The following CNKSR3 variants were observed in gnomAD, a reference collection of about 807,000 sequenced individuals.
CNKSR3 encodes the protein connector enhancer of kinase suppressor of ras 3.
CNKSR3 carries 36 observed loss-of-function variants against 67.7 expected under a neutral mutation model. The observed-to-expected ratio is 0.53, with a 90% CI of 0.41 to 0.70. The LOEUF (loss-of-function observed/expected upper bound fraction) is 0.70. CNKSR3 is among the 30% of genes least tolerant of loss of function. CNKSR3 has a pLI of 0.00. For synonymous variants in CNKSR3, 281 were observed against 271.4 expected (o/e 1.04, Z -0.35); for missense variants, 630 against 695.2 (o/e 0.91, Z 1.05).
intron 1 of CNKSR3, among the ~76,000 whole-genome samples, chr6:154,457,361 G>A (rs1785980899): frequency 1.3e-5 from 2 of 152,064 alleles, no homozygotes; most frequent in African/African-American, 4.8e-5. Flanking sequence ...TAATTTTCAG[G>A]ACTAGTTGAT....
chr6:154,482,685 C>G (rs1427514458), intron 1 of CNKSR3, among the ~76,000 whole-genome samples: 2 of 152,074 alleles, frequency 1.3e-5, no homozygotes, highest in African/African-American at 4.8e-5. Flanking sequence ...AGGTGCTGAC[C>G]CCCAACTCTG....
Position 154,401,256 on chromosome 6 carries a change from T to C in CNKSR3, c.*5098A>G, listed in dbSNP as rs1784715029. On this transcript the variant is annotated 3_prime_UTR_variant, in exon 13 of 13. Coordinates refer to ENST00000607772, the MANE Select transcript of CNKSR3 (RefSeq NM_173515.4). ...GTATTAGGAGGCGGAGCTAATACCA[T>C]AAGTGGGCCTTTGGGAAGTGAGTAG... 6.6e-6 allele frequency: 1 copy of C among 152,204 alleles called. No individual in the cohort carries two copies. The highest frequency in any genetic ancestry group is 1.5e-5 in the Non-Finnish European group (1 of 68,042). The allele number at this position is 152,204 out of a possible 1,614,324, so 9.4% of individuals were successfully genotyped here. A position where few individuals can be genotyped will look rare whatever the true frequency, so the allele number is the denominator to read the frequency against.
intron 4 of CNKSR3, among the ~76,000 whole-genome samples, chr6:154,438,693 G>A (rs1275713893): frequency 6.6e-6 from 1 of 152,106 alleles, no homozygotes; most frequent in Non-Finnish European, 1.5e-5. Flanking sequence ...GAGCACCACA[G>A]GAAAAAGAGA....
intron 1 of CNKSR3, among the ~76,000 whole-genome samples, chr6:154,452,314 T>C (rs1227758834): frequency 2.6e-5 from 4 of 152,228 alleles, no homozygotes; most frequent in Admixed American, 2.0e-4. Flanking sequence ...TTATAAAAAT[T>C]CTTCTCCAAC....
chr6:154,392,696 G>A lies in CNKSR3; in HGVS notation c.*13658C>T, dbSNP rs1784621416. 6.6e-6 allele frequency: 1 copy of A among 152,258 alleles called. No homozygotes were observed. The highest frequency in any genetic ancestry group is 1.5e-5 in the Non-Finnish European group (1 of 68,062). 9.4% of individuals were successfully genotyped at this position (152,258 alleles called of 1,614,324 possible). ...ACTAGCAGCAGGATTTGCTTCATTA[G>A]CATCGATGTTTGGGGAACAAGGAGC... On this transcript the variant is annotated 3_prime_UTR_variant, in exon 13 of 13. Transcript: ENST00000607772.
At chr6:154,509,481 T>A (rs1320105978) in intron 1 of CNKSR3, among the ~76,000 whole-genome samples, 1 of 151,204 alleles carries the variant, frequency 6.6e-6, no homozygotes, top group Non-Finnish European at 1.5e-5. Context: ...TCCCGGGGAG[T>A]CCTGGCTCGA....
intron 1 of CNKSR3, among the ~76,000 whole-genome samples, chr6:154,454,832 A>T (rs7744019): frequency 0.72 from 109,786 of 151,532 alleles, 40,318 homozygotes; most frequent in East Asian, 0.87. Flanking sequence ...GAAAAAAAAA[A>T]AATAATAATA....
chr6:154,454,097 A>ACG, intron 1 of CNKSR3, among the ~76,000 whole-genome samples: 1 of 93,148 alleles, frequency 1.1e-5, no homozygotes, highest in African/African-American at 4.1e-5. Context: ...ACACACACAC[A>ACG]CACACACAGA....
rs979458063 is a variant in CNKSR3, at chr6:154,417,278, G to A, written c.946-2855C>T. Among the ~76,000 whole-genome samples, 17 of 152,288 alleles carry A rather than the reference G, an allele frequency of 1.1e-4. 3 individuals carry two copies. The highest frequency in any genetic ancestry group is 2.6e-4 in the Admixed American group (4 of 15,298). ...ACTATTAAAGAGAAGAGCATGGCTT[G>A]GAAAGATTACATACCTTGACTAAGG... On this transcript the variant is annotated intron_variant, in intron 9 of 12. Coordinates refer to ENST00000607772, the MANE Select transcript of CNKSR3 (RefSeq NM_173515.4).
At chr6:154,438,170 T>C in intron 4 of CNKSR3, among the ~76,000 whole-genome samples, 2 of 152,224 alleles carry the variant, frequency 1.3e-5, no homozygotes, top group East Asian at 3.8e-4. Flanking sequence ...TTTATATTAT[T>C]TATCTGTATC....
At chr6:154,422,793 G>C (rs1170621870) in intron 8 of CNKSR3, 122 bp downstream of exon 8, 1 of 1,155,440 alleles carries the variant, frequency 8.7e-7, no homozygotes, top group Non-Finnish European at 1.3e-6. Context: ...GCTCATGTTA[G>C]CACAACCTAA....
chr6:154,428,465 G>A (rs1026075443), intron 6 of CNKSR3, among the ~76,000 whole-genome samples: 4 of 152,188 alleles, frequency 2.6e-5, no homozygotes, highest in African/African-American at 9.6e-5. Flanking sequence ...ATGTGGGAGT[G>A]TTCTTAGACC....
At chr6:154,499,206 C>T (rs1786934738) in intron 1 of CNKSR3, among the ~76,000 whole-genome samples, 1 of 152,212 alleles carries the variant, frequency 6.6e-6, no homozygotes, top group South Asian at 2.1e-4. Context: ...TTAAATATGT[C>T]ACCACTGTCC....
Position 154,406,247 on chromosome 6 carries a change from C to T in CNKSR3, c.*107G>A. 2 of 1,034,176 alleles carry T rather than the reference C, an allele frequency of 1.9e-6. No homozygotes were observed. Among genetic ancestry groups the T allele is most frequent in the East Asian group, 2.6e-5 (1 of 38,210 alleles). The allele number at this position is 1,034,176 out of a possible 1,614,324, so 64.1% of individuals were successfully genotyped here. Reference sequence around the variant, plus strand: ...AACTTTTCAAAAGAAAAAGAAATTGCATAAGGTCCCTACATAATACTGAGG... The same window carrying T: ...AACTTTTCAAAAGAAAAAGAAATTGTATAAGGTCCCTACATAATACTGAGG... On this transcript the variant is annotated 3_prime_UTR_variant, in exon 13 of 13. Coordinates refer to ENST00000607772, the MANE Select transcript of CNKSR3 (RefSeq NM_173515.4).
intron 1 of CNKSR3, among the ~76,000 whole-genome samples, chr6:154,466,815 A>T (rs1394988429): frequency 2.7e-5 from 4 of 148,338 alleles, no homozygotes; most frequent in African/African-American, 7.5e-5. Context: ...TTATAGAGAC[A>T]GGGTCTCGAT....
intron 1 of CNKSR3, among the ~76,000 whole-genome samples, chr6:154,450,576 T>C (rs1785807094): frequency 6.6e-6 from 1 of 152,228 alleles, no homozygotes; most frequent in South Asian, 2.1e-4. Context: ...ATGCTGTCTG[T>C]TTGCTAAGCA....
chr6:154,473,787 AT>A (rs112576704), intron 1 of CNKSR3, among the ~76,000 whole-genome samples: 19 of 148,372 alleles, frequency 1.3e-4, no homozygotes, highest in South Asian at 2.2e-4. Context: ...TCTCTCCACT[AT>A]TTTTTTTTTC....
intron 1 of CNKSR3, among the ~76,000 whole-genome samples, chr6:154,453,398 A>C (rs778872165): frequency 3.9e-5 from 6 of 152,202 alleles, no homozygotes; most frequent in Non-Finnish European, 8.8e-5. Flanking sequence ...TTAGAGATTG[A>C]GAATTGAAGA....
rs1784567477 is a variant in CNKSR3, at chr6:154,388,010, T to C, written c.*18344A>G. On this transcript the variant is annotated 3_prime_UTR_variant, in exon 13 of 13. Coordinates refer to ENST00000607772, the MANE Select transcript of CNKSR3 (RefSeq NM_173515.4). ...TTGCTTTTCTGTTCTATTTTCTTTC[T>C]TTTTTTTTTTCAGTAAGAACACAAG... The C allele has an allele frequency of 1.4e-5, 1 of 72,316 alleles. No homozygotes were observed. Among genetic ancestry groups the C allele is most frequent in the African/African-American group, 5.7e-5 (1 of 17,680 alleles). The allele number at this position is 72,316 out of a possible 1,614,324, so 4.5% of individuals were successfully genotyped here. A position where few individuals can be genotyped will look rare whatever the true frequency, so the allele number is the denominator to read the frequency against.
Sources: allele counts gnomAD v4.1 joint callset (sites outside exome capture counted in the v4.1 genomes callset), GRCh38; gene constraint gnomAD v4.1.1; transcripts MANE v1.5; gene names NCBI Gene and HGNC (gene_info 2026-07-23, HGNC 2026-07-21).